The following RAC1 variants were observed in gnomAD, a reference collection of about 807,000 sequenced individuals.
RAC1 encodes the protein ras-related C3 botulinum toxin substrate 1.
In RAC1, 2 loss-of-function variants were observed where a neutral mutation model predicts 25.2. That is an observed-to-expected ratio of 0.08 (90% CI 0.03 to 0.25). RAC1 has a LOEUF of 0.25. RAC1 is among the 10% of genes least tolerant of loss of function. RAC1 has a pLI of 1.00. For missense variants in RAC1, 50 were observed against 235.7 expected (o/e 0.21, Z 5.16); for synonymous variants, 88 against 94.0 (o/e 0.94, Z 0.37).
At chr7:6,392,987 G>A (rs1431871676) in intron 3 of RAC1, among the ~76,000 whole-genome samples, 1 of 152,220 alleles carries the variant, frequency 6.6e-6, no homozygotes, top group Non-Finnish European at 1.5e-5. Context: ...GTTCCTCAGT[G>A]TGCGGGTGGG....
intron 1 of RAC1, among the ~76,000 whole-genome samples, chr7:6,382,779 A>C (rs1205929873): frequency 6.6e-6 from 1 of 152,256 alleles, no homozygotes; most frequent in Admixed American, 6.5e-5. Flanking sequence ...AGGCTGAGGC[A>C]GGAGAATTGT....
chr7:6,385,081 C>G (rs1214388663), intron 1 of RAC1, among the ~76,000 whole-genome samples: 1 of 152,178 alleles, frequency 6.6e-6, no homozygotes, highest in Admixed American at 6.5e-5. Context: ...GCTAGGATTA[C>G]AGGCATGAGC....
chr7:6,394,211 G>T (rs1352630237), intron 3 of RAC1, among the ~76,000 whole-genome samples: 1 of 152,086 alleles, frequency 6.6e-6, no homozygotes, highest in Non-Finnish European at 1.5e-5. Context: ...CCTCTCTATT[G>T]GGCAGCTCTG....
intron 1 of RAC1, among the ~76,000 whole-genome samples, chr7:6,375,131 A>C (rs35588250): frequency 7.3e-5 from 11 of 151,322 alleles, no homozygotes; most frequent in African/African-American, 1.5e-4. Context: ...GGGACCCTTT[A>C]TTTTTTTTGC....
intron 1 of RAC1, among the ~76,000 whole-genome samples, chr7:6,380,566 C>T (rs774476447): frequency 1.3e-5 from 2 of 152,142 alleles, no homozygotes; most frequent in African/African-American, 2.4e-5. Flanking sequence ...TCCATCACTA[C>T]GTAGCTCTTA....
intron 1 of RAC1, among the ~76,000 whole-genome samples, chr7:6,376,506 C>CTTTTTT (rs1315630129): frequency 2.4e-5 from 2 of 83,000 alleles, no homozygotes; most frequent in African/African-American, 5.4e-5. Context: ...TTTTTCTTTT[C>CTTTTTT]TTTTTTTTTT....
intron 1 of RAC1, among the ~76,000 whole-genome samples, chr7:6,383,590 A>G (rs890493455): frequency 2.6e-5 from 4 of 152,100 alleles, no homozygotes; most frequent in South Asian, 2.1e-4. Context: ...CATTCAGGAA[A>G]GGAAGTTTAG....
chr7:6,380,908 G>T (rs1782744310), intron 1 of RAC1, among the ~76,000 whole-genome samples: 2 of 152,046 alleles, frequency 1.3e-5, no homozygotes, highest in Admixed American at 1.3e-4. Flanking sequence ...TTGCTCTGTT[G>T]CCCAGGCTGG....
chr7:6,394,408 G>A (rs1302150689), intron 3 of RAC1, among the ~76,000 whole-genome samples: 1 of 152,164 alleles, frequency 6.6e-6, no homozygotes, highest in Non-Finnish European at 1.5e-5. Context: ...GCTATGCACA[G>A]AATCAAGTCT....
At chr7:6,397,893 G>T (rs1002217451) in intron 3 of RAC1, among the ~76,000 whole-genome samples, 1 of 152,186 alleles carries the variant, frequency 6.6e-6, no homozygotes, top group African/African-American at 2.4e-5. Flanking sequence ...GGAGGCTAAG[G>T]CAGGAGAATC....
intron 3 of RAC1, among the ~76,000 whole-genome samples, chr7:6,393,465 G>A (rs1783146311): frequency 6.6e-6 from 1 of 152,140 alleles, no homozygotes; most frequent in Non-Finnish European, 1.5e-5. Flanking sequence ...GGCAGGGTGA[G>A]GCCTCTCTAA....
intron 3 of RAC1, chr7:6,398,673 G>A (rs748431933): frequency 4.3e-6 from 7 of 1,613,684 alleles, no homozygotes; most frequent in African/African-American, 2.7e-5. Flanking sequence ...TTGGAGAAAC[G>A]TACGGTAAGG....
chr7:6,384,123 T>C (rs2115189500), intron 1 of RAC1, among the ~76,000 whole-genome samples: 1 of 152,112 alleles, frequency 6.6e-6, no homozygotes, highest in East Asian at 1.9e-4. Context: ...AAAGGTCCCT[T>C]AGAGCCTTAG....
rs1019734903 is a variant in RAC1 at position 6,386,828 on chromosome 7, A to G, written c.36-384A>G. 5.9e-5 allele frequency among the ~76,000 whole-genome samples: 9 copies of G among 151,784 alleles called. No homozygotes were observed. The East Asian group carries it at 1.5e-3, about 26-fold the overall frequency. On this transcript the variant is annotated intron_variant, in intron 1 of 5. Coordinates refer to ENST00000348035, the MANE Select transcript of RAC1 (RefSeq NM_006908.5). ...AAGAAAAAAAAGAAAAAAAGAAAAT[A>G]TCTTCAGGATCAAACTTAAGATTCT...
intron 1 of RAC1, among the ~76,000 whole-genome samples, chr7:6,384,198 A>G (rs1583260680): frequency 1.3e-5 from 2 of 152,122 alleles, no homozygotes; most frequent in South Asian, 4.1e-4. Context: ...TCTGCCTCCA[A>G]GTTCAAGCAG....
chr7:6,397,544 C>T (rs907920426), intron 3 of RAC1, among the ~76,000 whole-genome samples: 3 of 152,266 alleles, frequency 2.0e-5, no homozygotes, highest in East Asian at 2.0e-4. Context: ...CCACCTGCCT[C>T]GGCCTCCCAA....
rs1425604570 is a variant in RAC1 at position 6,403,316 on chromosome 7, CCTTT to C, written c.*873_*876del. ...TCAGGAAATGTTTTCTTAAGCTTTT[CCTTT>C]CTCTTACACCTGCCATGCCTCCCCA... is the stretch of plus-strand genomic sequence containing the variant. On this transcript the variant is annotated 3_prime_UTR_variant, in exon 6 of 6. Coordinates refer to ENST00000348035, the MANE Select transcript of RAC1 (RefSeq NM_006908.5). 1 of 209,554 alleles carries C rather than the reference CCTTT, an allele frequency of 4.8e-6. No homozygotes were observed. The highest frequency in any genetic ancestry group is 9.7e-6 in the Non-Finnish European group (1 of 102,956). 13.0% of individuals were successfully genotyped at this position (209,554 alleles called of 1,614,324 possible). A position where few individuals can be genotyped will look rare whatever the true frequency, so the allele number is the denominator to read the frequency against.
Position 6,374,696 on chromosome 7 carries a change from G to C in RAC1, c.-40G>C, listed in dbSNP as rs2115177070. 7 of 1,082,780 alleles carry C rather than the reference G, an allele frequency of 6.5e-6. No homozygotes were observed. In the South Asian group the frequency reaches 2.8e-4, roughly 44 times the overall value. 67.1% of individuals were successfully genotyped at this position (1,082,780 alleles called of 1,614,324 possible). Reference sequence around the variant, plus strand: ...CCCGAGCCCGCCGCTTCCTATCTCAGCGCCCTGCCGCCGCCGCCGCGGCCC... The same window carrying C: ...CCCGAGCCCGCCGCTTCCTATCTCACCGCCCTGCCGCCGCCGCCGCGGCCC... On this transcript the variant is annotated 5_prime_UTR_variant, in exon 1 of 6. Transcript: ENST00000348035.
intron 1 of RAC1, among the ~76,000 whole-genome samples, chr7:6,381,020 C>A (rs369635842): frequency 6.6e-6 from 1 of 152,216 alleles, no homozygotes; most frequent in Middle Eastern, 3.4e-3. Flanking sequence ...AGGCACCCAC[C>A]ACCATGCCTG....
Sources: gnomAD v4.1 joint callset for allele counts (sites outside exome capture counted in the v4.1 genomes callset) on GRCh38, gnomAD v4.1.1 for gene constraint, MANE v1.5 for transcripts, NCBI Gene and HGNC (gene_info 2026-07-23, HGNC 2026-07-21) for gene names.